Variants in AP1AR observed in about 807,000 individuals in gnomAD.
AP1AR encodes the protein AP-1 complex-associated regulatory protein.
AP1AR carries 29 observed loss-of-function variants against 46.3 expected under a neutral mutation model. The ratio of observed to expected loss-of-function variants is 0.63; its 90% CI spans 0.47 to 0.85. The LOEUF (loss-of-function observed/expected upper bound fraction) is 0.85. Among genes scored for constraint, AP1AR ranks in the 40% least tolerant of loss-of-function variants. The pLI, the probability that AP1AR is intolerant of heterozygous loss-of-function variation, is 0.00. For missense variants in AP1AR, 357 were observed against 356.3 expected, an observed-to-expected ratio of 1.00 and a Z score of -0.02; for synonymous variants, 122 against 122.9, an observed-to-expected ratio of 0.99 and a Z score of 0.05.
intron 1 of AP1AR, among the ~76,000 whole-genome samples, chr4:112,239,368 C>T (rs1405608481): frequency 1.3e-5 from 2 of 152,194 alleles, no homozygotes; most frequent in Non-Finnish European, 2.9e-5. Flanking sequence ...ACTTCTCACT[C>T]AGTCTTCAAA....
chr4:112,239,056 A>G (rs1415071161), intron 1 of AP1AR, among the ~76,000 whole-genome samples: 1 of 152,114 alleles, frequency 6.6e-6, no homozygotes, highest in Non-Finnish European at 1.5e-5. Flanking sequence ...AGTGGCCCCT[A>G]CATGTTAGAT....
At chr4:112,262,653 C>T (rs1462411081) in intron 5 of AP1AR, among the ~76,000 whole-genome samples, 2 of 152,088 alleles carry the variant, frequency 1.3e-5, no homozygotes, top group African/African-American at 2.4e-5. Context: ...GGGCCAAAAC[C>T]GGCAAACTAG....
rs1446399218 is a variant in AP1AR at position 112,231,799 on chromosome 4, C to T, written c.-293C>T. 1 of 306,568 alleles carries T rather than the reference C, an allele frequency of 3.3e-6. No homozygotes were observed. The highest frequency in any genetic ancestry group is 2.2e-5 in the African/African-American group (1 of 46,352). 19.0% of individuals were successfully genotyped at this position (306,568 alleles called of 1,614,324 possible). A position where few individuals can be genotyped will look rare whatever the true frequency, so the allele number is the denominator to read the frequency against. On this transcript the variant is annotated 5_prime_UTR_variant, in exon 1 of 10. Coordinates refer to ENST00000274000, the MANE Select transcript of AP1AR (RefSeq NM_018569.6). ...GCTGGAGGCGGTCACTCACGCTGGG[C>T]TAGGAGCTGAGGCGAGAAGGGCCAT...
At chr4:112,241,432 G>A (rs1725492701) in intron 1 of AP1AR, among the ~76,000 whole-genome samples, 1 of 152,192 alleles carries the variant, frequency 6.6e-6, no homozygotes, top group Non-Finnish European at 1.5e-5. Context: ...AAAGCTGGTC[G>A]TGTAAGTCTC....
chr4:112,248,579 G>A (rs140049382), intron 1 of AP1AR, among the ~76,000 whole-genome samples: 3 of 152,070 alleles, frequency 2.0e-5, no homozygotes, highest in African/African-American at 4.8e-5. Flanking sequence ...TTTTAAGTGC[G>A]GTAATGGGTA....
chr4:112,239,001 T>G (rs1237243939), intron 1 of AP1AR, among the ~76,000 whole-genome samples: 1 of 152,224 alleles, frequency 6.6e-6, no homozygotes, highest in Admixed American at 6.5e-5. Context: ...AGTTCTTTCC[T>G]GTTACTCACC....
chr4:112,234,658 G>GTT lies in AP1AR; in HGVS notation c.83+2498_83+2499dup, dbSNP rs774999279. Among the ~76,000 whole-genome samples, 252 of 141,728 alleles carry GTT rather than the reference G, an allele frequency of 1.8e-3. 1 individual carries two copies. The highest frequency in any genetic ancestry group is 3.8e-3 in the Middle Eastern group (1 of 262). The allele number at this position is 141,728 out of a possible 152,430, so 93.0% of individuals were successfully genotyped here. A position where few individuals can be genotyped will look rare whatever the true frequency, so the allele number is the denominator to read the frequency against. On this transcript the variant is annotated intron_variant, in intron 1 of 9. Transcript: ENST00000274000. ...GCAATAAGGTTAAACTCTTATTTTA[G>GTT]TTTTTTTTTTTTTTTATCAGCTGTT...
intron 6 of AP1AR, 27 bp from the exon 7 acceptor site, chr4:112,264,982 T>G: frequency 3.2e-6 from 5 of 1,569,968 alleles, no homozygotes; most frequent in Non-Finnish European, 4.3e-6. Flanking sequence ...ACAGAGTGAT[T>G]TTTTTTATTA....
chr4:112,232,515 C>G (rs1725059229), intron 1 of AP1AR, among the ~76,000 whole-genome samples: 1 of 152,242 alleles, frequency 6.6e-6, no homozygotes, highest in African/African-American at 2.4e-5. Flanking sequence ...CCTGGACACA[C>G]CCTGCGCTGA....
chr4:112,267,434 T>G (rs560604062), intron 9 of AP1AR, among the ~76,000 whole-genome samples: 2 of 152,070 alleles, frequency 1.3e-5, no homozygotes, highest in East Asian at 1.9e-4. Flanking sequence ...TTTACCAATT[T>G]CATTTTGTTC....
Position 112,232,159 on chromosome 4 carries a change from T to A in AP1AR, c.68T>A (p.Val23Glu). 1 of 1,281,924 alleles carries A rather than the reference T, an allele frequency of 7.8e-7. No individual in the cohort carries two copies. Among genetic ancestry groups the A allele is most frequent in the Non-Finnish European group, 9.9e-7 (1 of 1,005,628 alleles). The allele number at this position is 1,281,924 out of a possible 1,614,324, so 79.4% of individuals were successfully genotyped here. ...AAGGAAGCGGGGCGGCTGCAGCGAGTAGGCGGCGGCGGAGGGTAAGCCCGC... is the reference window on the plus strand; with the variant it reads ...AAGGAAGCGGGGCGGCTGCAGCGAGAAGGCGGCGGCGGAGGGTAAGCCCGC... Reference protein sequence around the residue: ...LRKEAGRLQRVGGGGGSKYFR... With the variant: ...LRKEAGRLQREGGGGGSKYFR... Residue 23 changes from valine to glutamate, a missense_variant, in exon 1 of 10, where the codon GTA becomes GAA. Around this residue, in one of 2 missense-constraint regions of AP1AR, gnomAD observed 269 missense variants for 223.6 expected, o/e 1.20. Coordinates refer to ENST00000274000, the MANE Select transcript of AP1AR (RefSeq NM_018569.6).
chr4:112,260,780 A>C lies in AP1AR; in HGVS notation c.200A>C (p.Glu67Ala), dbSNP rs755595609. The change falls in exon 5 of 10, where the codon GAA becomes GCA. Residue 67 changes from glutamate to alanine, a missense_variant. This residue lies in a region of AP1AR where 269 missense variants were observed against 223.6 expected (regional missense o/e 1.20). Transcript: ENST00000274000. ...PGSSHRPLTE[E>A]EIVDLRERHY... is the part of the protein sequence containing the mutation. ...TTTTTCTCTAGGCCTCTTACTGAGG[A>C]AGAAATTGTTGACCTAAGAGAAAGG... The C allele has an allele frequency of 1.3e-6, 2 of 1,595,116 alleles. No individual in the cohort carries two copies. The highest frequency in any genetic ancestry group is 1.7e-6 in the Non-Finnish European group (2 of 1,172,460).
In AP1AR at chr4:112,268,254, T is replaced by C. The variant is rs780068045; in HGVS notation, c.754T>C (p.Ser252Pro). 6 of 1,613,202 alleles carry C rather than the reference T, an allele frequency of 3.7e-6. No homozygotes were observed. The highest frequency in any genetic ancestry group is 4.2e-6 in the Non-Finnish European group (5 of 1,179,422). ...GACTGGAAGTAATCCTACATCAGCC[T>C]CTGATGATTCCAATGGGCTGGAGTG... ...KKTGSNPTSA[S>P]DDSNGLEWEN... is the part of the protein sequence containing the mutation. Residue 252 changes from serine (S) to proline (P), a missense_variant, in exon 10 of 10, where the codon TCT (serine) becomes CCT (proline). By Grantham distance (74) the Ser-to-Pro change is moderately conservative. Around this residue, in one of 2 missense-constraint regions of AP1AR, gnomAD observed 88 missense variants for 132.7 expected, o/e 0.66. Coordinates refer to ENST00000274000, the MANE Select transcript of AP1AR (RefSeq NM_018569.6).
chr4:112,250,831 A>G (rs181034059), intron 1 of AP1AR, among the ~76,000 whole-genome samples: 2 of 151,234 alleles, frequency 1.3e-5, no homozygotes, highest in East Asian at 3.9e-4. Context: ...TCTCAAATAT[A>G]TTTTGCTTTT....
intron 1 of AP1AR, among the ~76,000 whole-genome samples, chr4:112,250,624 T>G (rs911186571): frequency 4.6e-5 from 7 of 152,168 alleles, no homozygotes; most frequent in Non-Finnish European, 1.5e-5. Flanking sequence ...TCTTGGTATT[T>G]TCAGATAAGT....
In AP1AR at chr4:112,254,730, C is replaced by T; in HGVS notation, c.133-17C>T. On this transcript the variant is annotated splice_polypyrimidine_tract_variant and intron_variant, in intron 2 of 9. Transcript: ENST00000274000. ...AGACAAATATTCCTCTTAACGCTTA[C>T]TTTTTTGTCCTTTCAGTTTGAGAAT... 6.7e-7 allele frequency: 1 copy of T among 1,495,314 alleles called. No homozygotes were observed. Among genetic ancestry groups the T allele is most frequent in the Non-Finnish European group, 9.0e-7 (1 of 1,106,504 alleles). 92.6% of individuals were successfully genotyped at this position (1,495,314 alleles called of 1,614,324 possible).
chr4:112,243,279 C>T (rs189904192), intron 1 of AP1AR, among the ~76,000 whole-genome samples: 17 of 152,216 alleles, frequency 1.1e-4, no homozygotes, highest in Admixed American at 2.0e-4. Flanking sequence ...TTGGATTTAC[C>T]GCATTTATTT....
intron 5 of AP1AR, 108 bp from the exon 6 acceptor site, chr4:112,262,877 AATT>A: frequency 1.4e-6 from 1 of 733,212 alleles, no homozygotes; most frequent in South Asian, 1.8e-5. Context: ...TGTAGAGATC[AATT>A]ATTTTTTAAT....
At position 112,269,399 on chromosome 4, in the gene AP1AR, A is replaced by G. The variant is rs1430650254; in HGVS notation, c.*990A>G. The G allele has an allele frequency of 6.6e-6, 1 of 152,398 alleles. No individual in the cohort carries two copies. Among genetic ancestry groups the G allele is most frequent in the African/African-American group, 2.4e-5 (1 of 41,428 alleles). The allele number at this position is 152,398 out of a possible 1,614,324, so 9.4% of individuals were successfully genotyped here. ...TAATGGGATAGAACTAAGCATATCA[A>G]TATCTATAACTGCATTTTGTGCTAG... On this transcript the variant is annotated 3_prime_UTR_variant, in exon 10 of 10. Transcript: ENST00000274000.
Sources: allele counts gnomAD v4.1 joint callset (sites outside exome capture counted in the v4.1 genomes callset), GRCh38; gene constraint gnomAD v4.1.1; regional missense constraint gnomAD v4.1.1; transcripts MANE v1.5; gene names NCBI Gene and HGNC (gene_info 2026-07-23, HGNC 2026-07-21).